Variants in NECTIN3 observed in about 807,000 individuals in gnomAD.
NECTIN3 encodes the protein nectin-3.
Under a neutral mutation model 49.4 loss-of-function variants are expected in NECTIN3, and 8 were observed. The observed-to-expected ratio is 0.16, with a 90% CI of 0.10 to 0.29. The LOEUF (loss-of-function observed/expected upper bound fraction) is 0.29, where lower values mean the gene tolerates loss of function less well. Among genes scored for constraint, NECTIN3 ranks in the 10% least tolerant of loss-of-function variants. The pLI is 1.00. For synonymous variants in NECTIN3, 277 were observed against 241.1 expected (o/e 1.15, Z -1.38); for missense variants, 581 against 654.6 (o/e 0.89, Z 1.23).
chr3:111,120,510 C>T (rs547598865), intron 3 of NECTIN3, among the ~76,000 whole-genome samples: 23 of 152,096 alleles, frequency 1.5e-4, no homozygotes, highest in Non-Finnish European at 3.1e-4. Context: ...CTTTCAGCAA[C>T]ATTTTTTAGT....
rs530754261 is a variant in NECTIN3, at chr3:111,129,995, G to A, written c.1070-3640G>A. Among the ~76,000 whole-genome samples, 6 of 142,020 alleles carry A rather than the reference G, an allele frequency of 4.2e-5. No individual in the cohort carries two copies. The East Asian group carries it at 1.2e-3, about 30-fold the overall frequency. The allele number at this position is 142,020 out of a possible 152,430, so 93.2% of individuals were successfully genotyped here. On this transcript the variant is annotated intron_variant, in intron 5 of 5. Coordinates refer to ENST00000485303, the MANE Select transcript of NECTIN3 (RefSeq NM_015480.3). The stretch of plus-strand genomic sequence containing the variant: ...TTTTGAGACAGAGTCTTGCTCTGTC[G>A]CCCAGGCTTGAGTGCAGTGGAGCGA...
Position 111,112,077 on chromosome 3 carries a change from T to TG in NECTIN3, c.212dup (p.Asn73GlufsTer9). 1 of 1,613,550 alleles carries TG rather than the reference T, an allele frequency of 6.2e-7. No homozygotes were observed. Among genetic ancestry groups the TG allele is most frequent in the Non-Finnish European group, 8.5e-7 (1 of 1,179,736 alleles). On this transcript the variant is annotated frameshift_variant, in exon 2 of 6. Coordinates refer to ENST00000485303, the MANE Select transcript of NECTIN3 (RefSeq NM_015480.3). LOFTEE classifies it high-confidence loss of function. The stretch of plus-strand genomic sequence containing the variant: ...TGTGGAGCCACATGTCACAGCAGTA[T>TG]GGGGAAAGAATGTTTCATTAAAGTG...
intron 1 of NECTIN3, among the ~76,000 whole-genome samples, chr3:111,090,104 A>G (rs904503451): frequency 4.6e-5 from 7 of 152,112 alleles, no homozygotes; most frequent in East Asian, 1.9e-4. Flanking sequence ...CTTTTTTGCA[A>G]CCTTTACTCT....
intron 7 of NECTIN3, among the ~76,000 whole-genome samples, chr3:111,173,463 A>G (rs2035470115): frequency 6.6e-6 from 1 of 152,124 alleles, no homozygotes; most frequent in African/African-American, 2.4e-5. Flanking sequence ...CCTGAACCTC[A>G]CAATTGGTTC....
At chr3:111,125,193 T>C (rs371754840) in intron 4 of NECTIN3, among the ~76,000 whole-genome samples, 2 of 151,834 alleles carry the variant, frequency 1.3e-5, no homozygotes, top group East Asian at 3.9e-4. Flanking sequence ...CATGCCCAAC[T>C]AATTTTTGTA....
intron 5 of NECTIN3, among the ~76,000 whole-genome samples, chr3:111,143,529 AC>A (rs2034801276): frequency 6.6e-6 from 1 of 151,944 alleles, no homozygotes; most frequent in African/African-American, 2.4e-5. Flanking sequence ...TTAAACAAAA[AC>A]AATTGGAAAA....
In NECTIN3 at chr3:111,083,154, G is replaced by A. The variant is rs114725750; in HGVS notation, c.160+10977G>A. On this transcript the variant is annotated intron_variant, in intron 1 of 5. Transcript: ENST00000485303. ...TTCCTGACAGGCCACAGACTCGTACGGGGGTTGGAGACCCCTGTCTTCAAG... is the reference window on the plus strand; with the variant it reads ...TTCCTGACAGGCCACAGACTCGTACAGGGGTTGGAGACCCCTGTCTTCAAG... 4.1e-3 allele frequency among the ~76,000 whole-genome samples: 627 copies of A among 152,244 alleles called. 5 individuals are homozygous for A. Among genetic ancestry groups the A allele is most frequent in the African/African-American group, 0.014 (570 of 41,536 alleles).
In NECTIN3 at chr3:111,135,022, A is replaced by G; in HGVS notation, c.*807A>G. 1.0e-6 allele frequency: 1 copy of G among 980,418 alleles called. No homozygotes were observed. Among genetic ancestry groups the G allele is most frequent in the Non-Finnish European group, 1.2e-6 (1 of 825,624 alleles). 60.7% of individuals were successfully genotyped at this position (980,418 alleles called of 1,614,324 possible). On this transcript the variant is annotated 3_prime_UTR_variant, in exon 6 of 6. Coordinates refer to ENST00000485303, the MANE Select transcript of NECTIN3 (RefSeq NM_015480.3). The stretch of plus-strand genomic sequence containing the variant: ...ACATGGATTTTGGTACATTAGCAGT[A>G]GCCTTATTTTAATGCTTTATGTCCT...
At chr3:111,190,679 T>G (rs563120263), upstream of NECTIN3, among the ~76,000 whole-genome samples, 11 of 152,266 alleles carry the variant, frequency 7.2e-5, no homozygotes, top group Admixed American at 7.2e-4. Context: ...ACAGCTCCAC[T>G]CTTATACCCT....
intron 1 of NECTIN3, 122 bp downstream of exon 1, chr3:111,072,299 C>A: frequency 6.9e-7 from 1 of 1,442,148 alleles, no homozygotes; most frequent in Non-Finnish European, 9.0e-7. Flanking sequence ...GAGCGAGTGC[C>A]GAGGACTTTG....
At chr3:111,149,714 ATTTTT>A (rs879892060) in intron 7 of NECTIN3, among the ~76,000 whole-genome samples, 31 of 145,172 alleles carry the variant, frequency 2.1e-4, no homozygotes, top group African/African-American at 7.5e-4. Flanking sequence ...TTCTCATTTT[ATTTTT>A]TTTTTTACAT....
Position 111,135,603 on chromosome 3 carries a change from C to T in NECTIN3, c.*1388C>T. ...TCATTTGAAAAAGTGACCATTTTGC[C>T]AGTGAAATGAAGTGGAAGTTAGTAG... On this transcript the variant is annotated 3_prime_UTR_variant, in exon 6 of 6. Coordinates refer to ENST00000485303, the MANE Select transcript of NECTIN3 (RefSeq NM_015480.3). 1 of 966,750 alleles carries T rather than the reference C, an allele frequency of 1.0e-6. No homozygotes were observed. Among genetic ancestry groups the T allele is most frequent in the Non-Finnish European group, 1.2e-6 (1 of 813,244 alleles). The allele number at this position is 966,750 out of a possible 1,614,324, so 59.9% of individuals were successfully genotyped here.
At chr3:111,089,791 TG>T (rs2032151855) in intron 1 of NECTIN3, among the ~76,000 whole-genome samples, 1 of 152,142 alleles carries the variant, frequency 6.6e-6, no homozygotes, top group South Asian at 2.1e-4. Flanking sequence ...TTGGTTGCAT[TG>T]TTCAAATTTT....
At position 111,072,031 on chromosome 3, in the gene NECTIN3, T is replaced by G; in HGVS notation, c.14T>G (p.Leu5Arg). The G allele has an allele frequency of 6.5e-7, 1 of 1,533,432 alleles. No homozygotes were observed. The highest frequency in any genetic ancestry group is 8.8e-7 in the Non-Finnish European group (1 of 1,139,722). 95.0% of individuals were successfully genotyped at this position (1,533,432 alleles called of 1,614,324 possible). Residue 5 changes from leucine (L) to arginine (R), a missense_variant, in exon 1 of 6, where the codon CTG becomes CGG. Leu to Arg is a moderately radical substitution (Grantham distance 102). Around this residue, in one of 3 missense-constraint regions of NECTIN3, gnomAD observed 109 missense variants for 69.1 expected, o/e 1.58. Transcript: ENST00000485303. ...GGAGGGTGGGGGATGGCGCGGACCC[T>G]GCGGCCGTCCCCGCTGTGTCCTGGA... is the stretch of plus-strand genomic sequence containing the variant. MART[L>R]RPSPLCPGGG...
chr3:111,098,337 C>T (rs760438118), intron 1 of NECTIN3, among the ~76,000 whole-genome samples: 2 of 152,204 alleles, frequency 1.3e-5, no homozygotes, highest in Non-Finnish European at 2.9e-5. Flanking sequence ...TAAATATATT[C>T]TCACACAGTT....
chr3:111,178,306 T>A (rs886434163), intron 7 of NECTIN3, among the ~76,000 whole-genome samples: 8 of 152,214 alleles, frequency 5.3e-5, no homozygotes, highest in African/African-American at 1.7e-4. Flanking sequence ...AGGACTTTCT[T>A]TCTGTAGTCA....
intron 4 of NECTIN3, among the ~76,000 whole-genome samples, chr3:111,125,662 T>G (rs973952408): frequency 6.6e-6 from 1 of 152,200 alleles, no homozygotes; most frequent in Non-Finnish European, 1.5e-5. Context: ...TTTGCTGTTT[T>G]AGAAACTATC....
intron 1 of NECTIN3, among the ~76,000 whole-genome samples, chr3:111,091,191 G>A (rs1220535562): frequency 6.6e-6 from 1 of 152,008 alleles, no homozygotes; most frequent in African/African-American, 2.4e-5. Flanking sequence ...CTTTAAACAT[G>A]TACTATTCTA....
intron 7 of NECTIN3, among the ~76,000 whole-genome samples, chr3:111,177,316 A>G (rs1172287227): frequency 6.6e-6 from 1 of 152,168 alleles, no homozygotes; most frequent in African/African-American, 2.4e-5. Context: ...ATACATGTAG[A>G]TAAGGAAGAC....
Sources: allele counts gnomAD v4.1 joint callset (sites outside exome capture counted in the v4.1 genomes callset), GRCh38; gene constraint gnomAD v4.1.1; regional missense constraint gnomAD v4.1.1; transcripts MANE v1.5; gene names NCBI Gene and HGNC (gene_info 2026-07-23, HGNC 2026-07-21).